Variants in ANKS1B observed in about 807,000 individuals in gnomAD.
ANKS1B encodes ankyrin repeat and sterile alpha motif domain containing 1B, also known as ankyrin repeat and sterile alpha motif domain-containing protein 1B.
A neutral mutation model predicts 148.3 loss-of-function variants in ANKS1B; 36 were observed. That is an observed-to-expected ratio of 0.24 (90% CI 0.19 to 0.32). The LOEUF (loss-of-function observed/expected upper bound fraction) is 0.32, where lower values mean the gene tolerates loss of function less well. ANKS1B is among the 10% of genes least tolerant of loss of function. The pLI is 1.00. For synonymous variants in ANKS1B, 542 were observed against 560.8 expected, an observed-to-expected ratio of 0.97 and a Z score of 0.47; for missense variants, 1,157 against 1,542.6, an observed-to-expected ratio of 0.75 and a Z score of 4.19.
chr12:99,376,834 T>C (rs2093409879), intron 12 of ANKS1B, among the ~76,000 whole-genome samples: 1 of 152,156 alleles, frequency 6.6e-6, no homozygotes, highest in Non-Finnish European at 1.5e-5. Context: ...ACACAGCTAG[T>C]TAATTGCACC....
chr12:98,809,105 T>C (rs1300327441), intron 19 of ANKS1B, among the ~76,000 whole-genome samples: 1 of 152,220 alleles, frequency 6.6e-6, no homozygotes, highest in African/African-American at 2.4e-5. Context: ...CCATGTCTTC[T>C]GTTAACCAGA....
intron 12 of ANKS1B, among the ~76,000 whole-genome samples, chr12:99,289,329 C>T (rs1427900907): frequency 1.3e-5 from 2 of 151,906 alleles, no homozygotes; most frequent in African/African-American, 2.4e-5. Flanking sequence ...CTGGAGGCAT[C>T]GATGCCTCAC....
At chr12:98,821,421 G>A (rs12304075) in intron 19 of ANKS1B, among the ~76,000 whole-genome samples, 1 of 152,144 alleles carries the variant, frequency 6.6e-6, no homozygotes. Flanking sequence ...TTACTCCTCA[G>A]TCCACATTGT....
At chr12:99,591,935 A>G (rs2097707160) in intron 9 of ANKS1B, among the ~76,000 whole-genome samples, 1 of 152,310 alleles carries the variant, frequency 6.6e-6, no homozygotes, top group Non-Finnish European at 1.5e-5. Context: ...TGGTATCTAA[A>G]ATTTCAAATT....
intron 12 of ANKS1B, among the ~76,000 whole-genome samples, chr12:99,290,131 T>A (rs2079734702): frequency 6.6e-6 from 1 of 151,892 alleles, no homozygotes; most frequent in African/African-American, 2.4e-5. Flanking sequence ...GAGAATTCTA[T>A]GAGCAACTCT....
chr12:99,052,734 CAAAAAAAAAAAA>C (rs56965572), intron 17 of ANKS1B, among the ~76,000 whole-genome samples: 1 of 26,006 alleles, frequency 3.8e-5, no homozygotes, highest in African/African-American at 1.9e-4. Context: ...GACTCCGTCT[CAAAAAAAAAAAA>C]AAAAAAAAAA....
At chr12:99,284,850 C>G (rs114107496) in intron 12 of ANKS1B, among the ~76,000 whole-genome samples, 252 of 152,192 alleles carry the variant, frequency 1.7e-3, no homozygotes, top group African/African-American at 5.9e-3. Context: ...TTGAGTCATT[C>G]TCTCCTTCAC....
intron 12 of ANKS1B, among the ~76,000 whole-genome samples, chr12:99,397,138 G>C (rs909627568): frequency 6.6e-6 from 1 of 152,068 alleles, no homozygotes; most frequent in Admixed American, 6.6e-5. Context: ...GATTGATGTA[G>C]AATACAAAGA....
chr12:99,431,725 A>G (rs1042424485), intron 11 of ANKS1B, among the ~76,000 whole-genome samples: 2 of 152,232 alleles, frequency 1.3e-5, no homozygotes, highest in Non-Finnish European at 2.9e-5. Context: ...TAATTATTAG[A>G]ATGCCCTAAG....
At chr12:99,291,856 C>G (rs891675722) in intron 12 of ANKS1B, among the ~76,000 whole-genome samples, 2 of 152,174 alleles carry the variant, frequency 1.3e-5, no homozygotes, top group African/African-American at 4.8e-5. Context: ...TAACACCACA[C>G]ATCTACAGCC....
At position 99,291,906 on chromosome 12, in the gene ANKS1B, G is replaced by A. The variant is rs186195670; in HGVS notation, c.1757-45042C>T. Among the ~76,000 whole-genome samples the A allele has an allele frequency of 8.5e-3, 1,295 of 152,252 alleles. 11 individuals carry two copies. The highest frequency in any genetic ancestry group is 0.033 in the South Asian group (161 of 4,832). On this transcript the variant is annotated intron_variant, in intron 12 of 26. Coordinates refer to ENST00000683438, the MANE Select transcript of ANKS1B (RefSeq NM_001352186.2). ...AAACCTGACAAAAACAAGAAATGGG[G>A]AAGGATTCCCTGTTTAACAAATGGT...
At chr12:99,260,034 T>C (rs898857510) in intron 12 of ANKS1B, among the ~76,000 whole-genome samples, 2 of 152,300 alleles carry the variant, frequency 1.3e-5, no homozygotes, top group African/African-American at 2.4e-5. Context: ...TGTAACCATG[T>C]ATTTTCCTCA....
At chr12:99,838,513 T>C (rs147007511) in intron 1 of ANKS1B, among the ~76,000 whole-genome samples, 3 of 152,304 alleles carry the variant, frequency 2.0e-5, no homozygotes, top group Non-Finnish European at 4.4e-5. Flanking sequence ...TCATTCTTAC[T>C]GATTTGAAGA....
At chr12:99,608,350 A>G (rs982866683) in intron 9 of ANKS1B, among the ~76,000 whole-genome samples, 1 of 152,044 alleles carries the variant, frequency 6.6e-6, no homozygotes, top group Non-Finnish European at 1.5e-5. Flanking sequence ...TGATTTTCCC[A>G]TTCTGTCTGA....
Position 99,504,724 on chromosome 12 carries a change from G to A in ANKS1B, c.1273-83C>T, listed in dbSNP as rs951805305. The A allele has an allele frequency of 1.3e-5, 13 of 1,031,616 alleles. No individual in the cohort carries two copies. The African/African-American group carries it at 1.8e-4, about 14-fold the overall frequency. The allele number at this position is 1,031,616 out of a possible 1,614,324, so 63.9% of individuals were successfully genotyped here. Reference sequence around the variant, plus strand: ...TATAAAAACTAGAAAAGATAATCAGGTTCATTAGTTCTTTCCAAAGTGATT... The same window carrying A: ...TATAAAAACTAGAAAAGATAATCAGATTCATTAGTTCTTTCCAAAGTGATT... On this transcript the variant is annotated intron_variant, in intron 9 of 26. Transcript: ENST00000683438.
At chr12:99,502,025 T>C (rs2096660661) in intron 10 of ANKS1B, among the ~76,000 whole-genome samples, 1 of 152,106 alleles carries the variant, frequency 6.6e-6, no homozygotes, top group Non-Finnish European at 1.5e-5. Flanking sequence ...GTCCATGTCA[T>C]TTTCATCCTT....
At chr12:99,371,510 C>T (rs2093131649) in intron 12 of ANKS1B, among the ~76,000 whole-genome samples, 1 of 151,600 alleles carries the variant, frequency 6.6e-6, no homozygotes, top group African/African-American at 2.4e-5. Flanking sequence ...TAAATTTATC[C>T]CTCTTGGTAT....
At chr12:99,916,432 G>T (rs892241133) in intron 1 of ANKS1B, among the ~76,000 whole-genome samples, 2 of 152,114 alleles carry the variant, frequency 1.3e-5, no homozygotes, top group Non-Finnish European at 2.9e-5. Flanking sequence ...AATAAATGGA[G>T]CCCTGACTCA....
intron 17 of ANKS1B, among the ~76,000 whole-genome samples, chr12:98,834,385 C>T (rs879565957): frequency 9.2e-5 from 14 of 152,280 alleles, no homozygotes; most frequent in Admixed American, 2.0e-4. Flanking sequence ...TTTAAAATGT[C>T]CTTCCTAAGC....
Sources: gnomAD v4.1 joint callset for allele counts (sites outside exome capture counted in the v4.1 genomes callset) on GRCh38, gnomAD v4.1.1 for gene constraint, MANE v1.5 for transcripts, NCBI Gene and HGNC (gene_info 2026-07-23, HGNC 2026-07-21) for gene names.